RBFOX1: variants seen among roughly 807,000 people sequenced by gnomAD.
The protein encoded by RBFOX1 is RNA binding protein fox-1 homolog 1.
RBFOX1 carries 8 observed loss-of-function variants against 57.7 expected under a neutral mutation model. That is an observed-to-expected ratio of 0.14 (90% CI 0.08 to 0.25). The LOEUF is 0.25. Ranked by LOEUF, RBFOX1 falls within the 10% of genes least tolerant of loss-of-function variation. The probability of loss-of-function intolerance (pLI) is 1.00; values close to 1 mark genes in which losing one functional copy is unlikely to be tolerated. For missense variants in RBFOX1, 611 were observed against 548.5 expected, an observed-to-expected ratio of 1.11 and a Z score of -1.14; for synonymous variants, 326 against 222.4, an observed-to-expected ratio of 1.47 and a Z score of -4.15.
chr16:6,135,724 C>T (rs748236201), intron 1 of RBFOX1, among the ~76,000 whole-genome samples: 1 of 143,126 alleles, frequency 7.0e-6, no homozygotes, highest in Non-Finnish European at 1.5e-5. Context: ...ATTTAAACAA[C>T]AAAAATCTCA....
At chr16:6,904,622 A>G (rs1197246510) in intron 3 of RBFOX1, among the ~76,000 whole-genome samples, 1 of 150,800 alleles carries the variant, frequency 6.6e-6, no homozygotes, top group Non-Finnish European at 1.5e-5. Flanking sequence ...AAAAAAAAAA[A>G]AAAAAAGAAG....
intron 4 of RBFOX1, among the ~76,000 whole-genome samples, chr16:5,984,354 C>T (rs1274862189): frequency 2.6e-5 from 4 of 151,092 alleles, no homozygotes; most frequent in Non-Finnish European, 5.9e-5. Context: ...TTTGCAGTAA[C>T]CGACTTTTCT....
intron 3 of RBFOX1, among the ~76,000 whole-genome samples, chr16:6,946,361 G>C (rs1006970985): frequency 6.6e-6 from 1 of 152,198 alleles, no homozygotes; most frequent in Non-Finnish European, 1.5e-5. Flanking sequence ...AGCTGGCCCT[G>C]TACTGGGCCT....
At chr16:6,842,034 A>G (rs1007868041) in intron 3 of RBFOX1, among the ~76,000 whole-genome samples, 4 of 151,670 alleles carry the variant, frequency 2.6e-5, no homozygotes, top group African/African-American at 7.3e-5. Flanking sequence ...TCCCAGCTAC[A>G]CGGGAGGCTG....
chr16:7,107,644 C>G (rs1244088508), intron 4 of RBFOX1, among the ~76,000 whole-genome samples: 1 of 152,076 alleles, frequency 6.6e-6, no homozygotes, highest in African/African-American at 2.4e-5. Context: ...CCCCTTCCAC[C>G]CTCCCCAAAA....
At chr16:6,181,375 C>T (rs553941179) in intron 1 of RBFOX1, among the ~76,000 whole-genome samples, 1 of 152,206 alleles carries the variant, frequency 6.6e-6, no homozygotes, top group Admixed American at 6.5e-5. Flanking sequence ...AAACTCCAGT[C>T]GATTTTTGGT....
intron 3 of RBFOX1, among the ~76,000 whole-genome samples, chr16:6,792,006 C>G (rs1034084938): frequency 1.3e-5 from 2 of 152,116 alleles, no homozygotes; most frequent in South Asian, 2.1e-4. Flanking sequence ...CTCTGGAGTT[C>G]TGTTTTCCTA....
chr16:6,936,948 G>T (rs1234038246), intron 3 of RBFOX1, among the ~76,000 whole-genome samples: 6 of 113,278 alleles, frequency 5.3e-5, no homozygotes, highest in Non-Finnish European at 8.7e-5. Flanking sequence ...GTTGTGGGGT[G>T]GGGGGAGGGG....
chr16:7,298,626 C>G lies in RBFOX1; in HGVS notation c.28-219521C>G, dbSNP rs571182060. ...TGTATAAGTTTTGATTCCCCCAAAACTATGATTAGCCCACTATCGACTCAA... is the reference window on the plus strand; with the variant it reads ...TGTATAAGTTTTGATTCCCCCAAAAGTATGATTAGCCCACTATCGACTCAA... On this transcript the variant is annotated intron_variant, in intron 4 of 15. Coordinates refer to ENST00000550418, the MANE Select transcript of RBFOX1 (RefSeq NM_018723.4). Among the ~76,000 whole-genome samples, 13 of 152,114 alleles carry G rather than the reference C, an allele frequency of 8.5e-5. No homozygotes were observed. The South Asian group carries it at 2.3e-3, about 27-fold the overall frequency.
intron 3 of RBFOX1, among the ~76,000 whole-genome samples, chr16:5,818,809 C>T (rs2055741204): frequency 2.0e-5 from 3 of 152,166 alleles, no homozygotes; most frequent in African/African-American, 7.2e-5. Flanking sequence ...CCATTATGTT[C>T]TATGCATACC....
chr16:6,629,915 C>G (rs2098361750), intron 2 of RBFOX1, among the ~76,000 whole-genome samples: 1 of 148,782 alleles, frequency 6.7e-6, no homozygotes, highest in African/African-American at 2.5e-5. Flanking sequence ...TTAATGACCT[C>G]TGCTACATAA....
intron 3 of RBFOX1, among the ~76,000 whole-genome samples, chr16:6,917,266 C>G (rs1316165753): frequency 6.6e-6 from 1 of 152,196 alleles, no homozygotes; most frequent in Admixed American, 6.5e-5. Flanking sequence ...TCTGTCCCAG[C>G]TACTGTTAGG....
At chr16:7,435,921 C>G (rs1031208580) in intron 4 of RBFOX1, among the ~76,000 whole-genome samples, 2 of 152,182 alleles carry the variant, frequency 1.3e-5, no homozygotes, top group African/African-American at 2.4e-5. Context: ...GCAGGCAGCA[C>G]TTGTTGAAGT....
chr16:6,020,032 A>G, intron 1 of RBFOX1, 40 bp downstream of exon 1: 1 of 1,447,842 alleles, frequency 6.9e-7, no homozygotes, highest in African/African-American at 1.4e-5. Flanking sequence ...ACCCACCCTG[A>G]CCTGGTGGGT....
intron 1 of RBFOX1, among the ~76,000 whole-genome samples, chr16:5,417,028 G>T (rs934453077): frequency 1.3e-5 from 2 of 152,142 alleles, no homozygotes; most frequent in Middle Eastern, 3.2e-3. Context: ...CAAGGAAGAA[G>T]ATTCAGTAGA....
In RBFOX1 at chr16:5,947,130, C is replaced by T. The variant is rs1375953251; in HGVS notation, c.351+79795C>T. 2.0e-5 allele frequency among the ~76,000 whole-genome samples: 3 copies of T among 152,100 alleles called. No homozygotes were observed. The highest frequency in any genetic ancestry group is 6.6e-5 in the Admixed American group (1 of 15,262). On this transcript the variant is annotated intron_variant, in intron 4 of 19. Coordinates refer to the RBFOX1 transcript ENST00000641259. This position sits in a 1 kb window ranked among gnomAD's most constrained non-coding sequence, Gnocchi z 7.2. ...ACTCAGGAGGCTGAGGTAGGAGGATCATGTGAACTCAGGAGGTTGAGGTTG... is the reference window on the plus strand; with the variant it reads ...ACTCAGGAGGCTGAGGTAGGAGGATTATGTGAACTCAGGAGGTTGAGGTTG...
At chr16:6,309,341 C>A (rs765265812) in intron 1 of RBFOX1, among the ~76,000 whole-genome samples, 1 of 152,110 alleles carries the variant, frequency 6.6e-6, no homozygotes, top group Non-Finnish European at 1.5e-5. Flanking sequence ...TGAATCTGAG[C>A]GTCTAAGGAT....
intron 3 of RBFOX1, among the ~76,000 whole-genome samples, chr16:5,832,862 A>C (rs2056327077): frequency 6.6e-6 from 1 of 152,128 alleles, no homozygotes. Context: ...AGTTATTTGA[A>C]GGTTTGCTGC....
intron 2 of RBFOX1, among the ~76,000 whole-genome samples, chr16:6,612,048 G>A (rs537522631): frequency 2.4e-4 from 36 of 152,208 alleles, no homozygotes; most frequent in Non-Finnish European, 4.6e-4. Flanking sequence ...AATAGTTCCT[G>A]TTTCTTGCAT....
Sources: allele counts gnomAD v4.1 joint callset (sites outside exome capture counted in the v4.1 genomes callset), GRCh38; gene constraint gnomAD v4.1.1; non-coding constraint Gnocchi (gnomAD v3.1); transcripts MANE v1.5; gene names NCBI Gene and HGNC (gene_info 2026-07-23, HGNC 2026-07-21).